SLC35F5: variants seen among roughly 807,000 people sequenced by gnomAD.
SLC35F5 encodes the protein HCV NS5A-transactivated protein 3.
A neutral mutation model predicts 68.6 loss-of-function variants in SLC35F5; 54 were observed. That is an observed-to-expected ratio of 0.79 (90% CI 0.63 to 0.99). The LOEUF (loss-of-function observed/expected upper bound fraction) is 0.99, where lower values mean the gene tolerates loss of function less well. Among genes scored for constraint, SLC35F5 ranks in the 50% least tolerant of loss-of-function variants. The probability of loss-of-function intolerance (pLI) is 0.00; values close to 1 mark genes in which losing one functional copy is unlikely to be tolerated. For synonymous variants in SLC35F5, 211 were observed against 205.2 expected (o/e 1.03, Z -0.24); for missense variants, 567 against 626.9 (o/e 0.90, Z 1.02).
chr2:113,755,336 G>C (rs745931800), intron 2 of SLC35F5, 30 bp from the exon 3 acceptor site: 2 of 1,609,662 alleles, frequency 1.2e-6, no homozygotes, highest in South Asian at 1.1e-5. Context: ...GATCACATTA[G>C]AGATGATTTT....
Position 113,755,283 on chromosome 2 carries a change from A to T in SLC35F5, c.155T>A (p.Val52Asp), listed in dbSNP as rs201324940. 9.3e-6 allele frequency: 15 copies of T among 1,614,194 alleles called. No individual in the cohort carries two copies. The East Asian group carries it at 3.3e-4, about 36-fold the overall frequency. The change falls in exon 3 of 16, where the codon GTC becomes GAC. Residue 52 changes from valine (V) to aspartate (D), a missense_variant. Transcript: ENST00000245680. ...GTTCTGGGAATTCATTCGGTTCATG[A>T]CAAATACACACACCATTTGCAGTCT... ...KTRLQMVCVFVMNRMNSQNSG... is the reference protein window; with the variant it reads ...KTRLQMVCVFDMNRMNSQNSG...
At chr2:113,745,568 G>A (rs989770624) in intron 5 of SLC35F5, among the ~76,000 whole-genome samples, 1 of 152,114 alleles carries the variant, frequency 6.6e-6, no homozygotes, top group African/African-American at 2.4e-5. Flanking sequence ...TATTTAGGAG[G>A]CTGAGACAAG....
At chr2:113,755,795 G>C in intron 1 of SLC35F5, 1 of 1,487,066 alleles carries the variant, frequency 6.7e-7, no homozygotes, top group Non-Finnish European at 9.2e-7. Flanking sequence ...GCACATTTAA[G>C]AACAGTTAAC....
intron 4 of SLC35F5, among the ~76,000 whole-genome samples, chr2:113,749,895 AG>A (rs1291650194): frequency 6.6e-6 from 1 of 152,174 alleles, no homozygotes; most frequent in African/African-American, 2.4e-5. Context: ...TACTTCTATA[AG>A]GAAGATATAT....
At chr2:113,719,374 T>C (rs1687334996) in intron 13 of SLC35F5, 66 bp from the exon 14 acceptor site, 1 of 1,426,622 alleles carries the variant, frequency 7.0e-7, no homozygotes, top group Admixed American at 2.6e-5. Context: ...TCCCCTTCAA[T>C]GTAAGTTTTC....
chr2:113,719,346 T>G (rs1410129179), intron 13 of SLC35F5, 38 bp from the exon 14 acceptor site: 3 of 1,513,154 alleles, frequency 2.0e-6, no homozygotes, highest in Non-Finnish European at 2.6e-6. Context: ...ACACCCACAA[T>G]TATCATTAAG....
intron 10 of SLC35F5, among the ~76,000 whole-genome samples, 156 bp downstream of exon 10, chr2:113,731,428 T>C (rs1162618123): frequency 1.3e-5 from 2 of 152,210 alleles, no homozygotes; most frequent in Non-Finnish European, 1.5e-5. Flanking sequence ...TTCACTAAAC[T>C]ATTTACGCAT....
intron 11 of SLC35F5, among the ~76,000 whole-genome samples, chr2:113,727,441 A>C (rs1687705639): frequency 6.6e-6 from 1 of 152,124 alleles, no homozygotes; most frequent in South Asian, 2.1e-4. Context: ...TTAATGAAAC[A>C]CCAAAACGTG....
At chr2:113,703,269 C>T (rs1015229141), downstream of SLC35F5, among the ~76,000 whole-genome samples, 7 of 151,952 alleles carry the variant, frequency 4.6e-5, no homozygotes, top group Admixed American at 3.9e-4. Context: ...CAAAGGGAAA[C>T]AATGTGTCAC....
chr2:113,725,064 T>C (rs1252414785), intron 12 of SLC35F5, among the ~76,000 whole-genome samples: 5 of 152,208 alleles, frequency 3.3e-5, no homozygotes, highest in African/African-American at 1.2e-4. Flanking sequence ...TGGATATCCA[T>C]TAGATAATGA....
intron 3 of SLC35F5, among the ~76,000 whole-genome samples, chr2:113,753,094 T>G (rs1289111313): frequency 6.6e-6 from 1 of 151,696 alleles, no homozygotes; most frequent in Non-Finnish European, 1.5e-5. Flanking sequence ...ACTTTGTATA[T>G]GTTAGAAAAT....
intron 10 of SLC35F5, 123 bp from the exon 11 acceptor site, chr2:113,729,628 T>C: frequency 1.6e-6 from 1 of 631,336 alleles, no homozygotes; most frequent in East Asian, 3.0e-5. Context: ...TATAATGATA[T>C]AAATCACCTT....
At position 113,726,545 on chromosome 2, in the gene SLC35F5, A is replaced by C. The variant is rs192187246; in HGVS notation, c.1091-1008T>G. 2.6e-5 allele frequency among the ~76,000 whole-genome samples: 4 copies of C among 152,330 alleles called. No individual in the cohort carries two copies. In the East Asian group the frequency reaches 7.7e-4, roughly 29 times the overall value. On this transcript the variant is annotated intron_variant, in intron 11 of 15. Transcript: ENST00000245680. ...AATTGATACTTACTATGTCACCTAA[A>C]TAATAAACCAGTCATTAGGATGCCT...
intron 13 of SLC35F5, among the ~76,000 whole-genome samples, chr2:113,720,676 G>T (rs1047206640): frequency 1.3e-5 from 2 of 152,038 alleles, no homozygotes; most frequent in African/African-American, 4.8e-5. Flanking sequence ...AAACCATGCT[G>T]CATTTAAATT....
At chr2:113,751,311 A>C (rs779097778) in intron 3 of SLC35F5, among the ~76,000 whole-genome samples, 1 of 152,196 alleles carries the variant, frequency 6.6e-6, no homozygotes, top group Non-Finnish European at 1.5e-5. Context: ...ACAAATTTCA[A>C]GGTTATGGAC....
chr2:113,753,176 T>TTTC (rs1676823699), intron 3 of SLC35F5, among the ~76,000 whole-genome samples: 1 of 116,442 alleles, frequency 8.6e-6, no homozygotes, highest in Admixed American at 8.4e-5. Context: ...TTCTTTTTTT[T>TTTC]TTTTTTTTTT....
rs1686834555 is a variant in SLC35F5 at position 113,707,633 on chromosome 2, C to T, written c.*7585G>A. 6.6e-6 allele frequency among the ~76,000 whole-genome samples: 1 copy of T among 152,144 alleles called. No homozygotes were observed. The highest frequency in any genetic ancestry group is 2.4e-5 in the African/African-American group (1 of 41,410). ...GGAGTGCAGTGGTGTGATCTCAGCT[C>T]ACTGCAACCTCTGCCTCTTGGGTTC... On this transcript the variant is annotated 3_prime_UTR_variant, in exon 16 of 16. Coordinates refer to ENST00000245680, the MANE Select transcript of SLC35F5 (RefSeq NM_025181.5).
chr2:113,746,093 A>G (rs1197501254), intron 5 of SLC35F5, among the ~76,000 whole-genome samples, 184 bp downstream of exon 5: 1 of 152,156 alleles, frequency 6.6e-6, no homozygotes, highest in Non-Finnish European at 1.5e-5. Flanking sequence ...TAAATTGCTT[A>G]CCTCTAGGCC....
Position 113,742,840 on chromosome 2 carries a change from T to C in SLC35F5, c.602A>G (p.Glu201Gly). 6.2e-7 allele frequency: 1 copy of C among 1,614,152 alleles called. No homozygotes were observed. The highest frequency in any genetic ancestry group is 8.5e-7 in the Non-Finnish European group (1 of 1,179,990). The change falls in exon 7 of 16, where the codon GAG becomes GGG. Residue 201 changes from glutamate (E) to glycine (G), a missense_variant. By Grantham distance (98) the Glu-to-Gly change is moderately conservative (BLOSUM62 -2). Coordinates refer to ENST00000245680, the MANE Select transcript of SLC35F5 (RefSeq NM_025181.5). ...KSRVRFSNIM[E>G]IRQLPSSHAL... ...ATGACTTGACGGAAGCTGTCGAATC[T>C]CCATGATATTACTGAACCTCACACG...
Sources: gnomAD v4.1 joint callset for allele counts (sites outside exome capture counted in the v4.1 genomes callset) on GRCh38, gnomAD v4.1.1 for gene constraint, MANE v1.5 for transcripts, NCBI Gene and HGNC (gene_info 2026-07-23, HGNC 2026-07-21) for gene names.